Variants in CCDC33 observed in about 807,000 individuals in gnomAD.
CCDC33 encodes the protein coiled-coil domain containing 33, also known as coiled-coil domain-containing protein 33.
CCDC33 carries 94 observed loss-of-function variants against 91.9 expected under a neutral mutation model. The ratio of observed to expected loss-of-function variants is 1.02; its 90% CI spans 0.87 to 1.21. The LOEUF (loss-of-function observed/expected upper bound fraction) is 1.21. Among genes scored for constraint, CCDC33 ranks in the 50% most tolerant of loss-of-function variants. The pLI is 0.00. For missense variants in CCDC33, 940 were observed against 935.5 expected (o/e 1.00, Z -0.06); for synonymous variants, 396 against 374.5 (o/e 1.06, Z -0.66).
chr15:74,232,868 A>G (rs909560657), upstream of CCDC33, among the ~76,000 whole-genome samples: 3 of 152,094 alleles, frequency 2.0e-5, no homozygotes, highest in African/African-American at 7.2e-5. Flanking sequence ...GGGCCAGAGA[A>G]GTGAGAAATG....
At chr15:74,263,285 G>T (rs1275263130) in intron 3 of CCDC33, among the ~76,000 whole-genome samples, 1 of 152,204 alleles carries the variant, frequency 6.6e-6, no homozygotes, top group African/African-American at 2.4e-5. Context: ...GGGTAGGGGG[G>T]CATCGCATCT....
intron 2 of CCDC33, among the ~76,000 whole-genome samples, chr15:74,226,652 C>G (rs2074805915): frequency 6.6e-6 from 1 of 152,010 alleles, no homozygotes; most frequent in African/African-American, 2.4e-5. Context: ...CATGGTGAAA[C>G]CCCGTCTCTA....
rs118023879 is a variant in CCDC33, at chr15:74,290,642, C to A, written c.1096-5112C>A. Among the ~76,000 whole-genome samples, 860 of 152,230 alleles carry A rather than the reference C, an allele frequency of 5.6e-3. 18 individuals carry two copies. The East Asian group carries it at 0.091, about 16-fold the overall frequency. On this transcript the variant is annotated intron_variant, in intron 10 of 18. Coordinates refer to ENST00000398814, the MANE Select transcript of CCDC33 (RefSeq NM_025055.5). ...AGCAAGGGTGCTTCAGGCAAAGGGA[C>A]CCCCATGTGCAAAGGCATGGAGGCA... is the stretch of plus-strand genomic sequence containing the variant.
chr15:74,223,420 C>G (rs567344336), intron 2 of CCDC33, among the ~76,000 whole-genome samples: 6 of 152,118 alleles, frequency 3.9e-5, no homozygotes, highest in Non-Finnish European at 8.8e-5. Context: ...TCCTTTCCTG[C>G]GCTTCACCAA....
chr15:74,205,702 G>C (rs2074244121), intron 1 of CCDC33, among the ~76,000 whole-genome samples: 1 of 152,238 alleles, frequency 6.6e-6, no homozygotes, highest in African/African-American at 2.4e-5. Flanking sequence ...CTGCAGCCAG[G>C]CTGGCAGAAA....
rs74023464 is a variant in CCDC33, at chr15:74,279,871, C to T, written c.760-92C>T. ...TTATAGTTGGGAGAAACATTTGTGA[C>T]AAATCTAGATACACAAAACCAAATA... is the stretch of plus-strand genomic sequence containing the variant. On this transcript the variant is annotated intron_variant, in intron 7 of 18. Coordinates refer to ENST00000398814, the MANE Select transcript of CCDC33 (RefSeq NM_025055.5). 9,393 of 1,498,336 alleles carry T rather than the reference C, an allele frequency of 6.3e-3. 486 individuals carry two copies. In the African/African-American group the frequency reaches 0.12, roughly 18 times the overall value. The allele number at this position is 1,498,336 out of a possible 1,614,324, so 92.8% of individuals were successfully genotyped here. A position where few individuals can be genotyped will look rare whatever the true frequency, so the allele number is the denominator to read the frequency against.
At chr15:74,210,646 C>T (rs907106458) in intron 2 of CCDC33, among the ~76,000 whole-genome samples, 1 of 152,162 alleles carries the variant, frequency 6.6e-6, no homozygotes, top group African/African-American at 2.4e-5. Flanking sequence ...ATGTGTAATT[C>T]TTTTTAAATA....
At chr15:74,275,105 G>A (rs924888543) in intron 7 of CCDC33, among the ~76,000 whole-genome samples, 1 of 152,202 alleles carries the variant, frequency 6.6e-6, no homozygotes, top group Middle Eastern at 3.2e-3. Flanking sequence ...CTACACTTGA[G>A]GGGGTGGGAT....
intron 2 of CCDC33, among the ~76,000 whole-genome samples, chr15:74,229,161 C>T (rs984118538): frequency 1.6e-4 from 25 of 152,280 alleles, no homozygotes; most frequent in African/African-American, 5.8e-4. Context: ...GCTAGGTGGC[C>T]TAAGTCTGAA....
At chr15:74,272,708 C>G (rs746003976) in intron 6 of CCDC33, 63 bp from the exon 7 acceptor site, 2 of 1,591,166 alleles carry the variant, frequency 1.3e-6, no homozygotes, top group Non-Finnish European at 1.7e-6. Flanking sequence ...AAGCGGGGGG[C>G]CCTGGGCTGC....
chr15:74,319,319 C>A (rs966883951), intron 11 of CCDC33, among the ~76,000 whole-genome samples: 37 of 152,226 alleles, frequency 2.4e-4, no homozygotes, highest in African/African-American at 8.4e-4. Context: ...TGGATCAGAA[C>A]CCAAGGTTCT....
intron 11 of CCDC33, among the ~76,000 whole-genome samples, chr15:74,313,926 C>A (rs746511497): frequency 2.2e-4 from 33 of 152,162 alleles, no homozygotes; most frequent in Non-Finnish European, 4.3e-4. Context: ...ATGACTGAAC[C>A]CTGCAGCCGC....
At chr15:74,287,739 AG>A (rs1352498665) in intron 10 of CCDC33, among the ~76,000 whole-genome samples, 1 of 151,908 alleles carries the variant, frequency 6.6e-6, no homozygotes, top group African/African-American at 2.4e-5. Flanking sequence ...CAGTGAGCCG[AG>A]ATCACACCAC....
intron 2 of CCDC33, among the ~76,000 whole-genome samples, chr15:74,219,604 C>T (rs2074535857): frequency 6.6e-6 from 1 of 152,106 alleles, no homozygotes; most frequent in Admixed American, 6.6e-5. Context: ...GCATGCCTGG[C>T]AGGAGAGTTC....
chr15:74,226,439 G>A (rs891864336), intron 2 of CCDC33, among the ~76,000 whole-genome samples: 6 of 152,186 alleles, frequency 3.9e-5, no homozygotes, highest in African/African-American at 1.4e-4. Flanking sequence ...TTGGGAAATT[G>A]CGTGGTGCTA....
chr15:74,280,752 T>G lies in CCDC33; in HGVS notation c.974T>G (p.Leu325Arg). 1 of 1,577,958 alleles carries G rather than the reference T, an allele frequency of 6.3e-7. No individual in the cohort carries two copies. The highest frequency in any genetic ancestry group is 8.6e-7 in the Non-Finnish European group (1 of 1,161,764). ...PLKSRLYQKMLTGKGLDGLHV... is the reference protein window; with the variant it reads ...PLKSRLYQKMRTGKGLDGLHV... ...AAGAGCCGTTTGTACCAGAAGATGC[T>G]GACAGGGAAAGGCTTGGACGGGCTT... Residue 325 changes from leucine (L) to arginine (R), a missense_variant, in exon 9 of 19, where the codon CTG (leucine) becomes CGG (arginine). Leu to Arg is a moderately radical substitution (Grantham distance 102). Coordinates refer to ENST00000398814, the MANE Select transcript of CCDC33 (RefSeq NM_025055.5).
chr15:74,209,020 G>A (rs145736791), intron 1 of CCDC33: 257 of 1,105,044 alleles, frequency 2.3e-4, no homozygotes, highest in Non-Finnish European at 2.7e-4. Context: ...GCTTTAAAAG[G>A]TGTTTGATCT....
At chr15:74,320,543 CCAGGCCCTGCTGGGGAG>C (rs893903854) in intron 11 of CCDC33, among the ~76,000 whole-genome samples, 1 of 152,056 alleles carries the variant, frequency 6.6e-6, no homozygotes. Flanking sequence ...ACAGCAGCTG[CCAGGCCCTGCTGGGGAG>C]CAGGTGGAAG....
At position 74,209,056 on chromosome 15, in the gene CCDC33, C is replaced by A. The variant is rs889631384; in HGVS notation, n.90-332C>A. The A allele has an allele frequency of 5.0e-6, 6 of 1,203,516 alleles. No homozygotes were observed. The Admixed American group carries it at 1.3e-4, about 26-fold the overall frequency. The allele number at this position is 1,203,516 out of a possible 1,614,324, so 74.6% of individuals were successfully genotyped here. A position where few individuals can be genotyped will look rare whatever the true frequency, so the allele number is the denominator to read the frequency against. On this transcript the variant is annotated intron_variant and non_coding_transcript_variant, in intron 1 of 3. Transcript: ENST00000558645. The stretch of plus-strand genomic sequence containing the variant: ...GCTCCTCCCGGAAGGCAGCTCCCCC[C>A]TTCTCCAGTCTGGCTCTGCCCCTCC...
Sources: allele counts gnomAD v4.1 joint callset (sites outside exome capture counted in the v4.1 genomes callset), GRCh38; gene constraint gnomAD v4.1.1; transcripts MANE v1.5; gene names NCBI Gene and HGNC (gene_info 2026-07-23, HGNC 2026-07-21).